The following CAMTA1 variants were observed in gnomAD, a reference collection of about 807,000 sequenced individuals.
CAMTA1 encodes the protein calmodulin binding transcription activator 1.
Under a neutral mutation model 170.9 loss-of-function variants are expected in CAMTA1, and 27 were observed. The observed-to-expected ratio is 0.16, with a 90% CI of 0.12 to 0.22. The LOEUF is 0.22. Among genes scored for constraint, CAMTA1 ranks in the 10% least tolerant of loss-of-function variants. The pLI is 1.00. For missense variants in CAMTA1, 1,619 were observed against 2,217.2 expected, an observed-to-expected ratio of 0.73 and a Z score of 5.42; for synonymous variants, 833 against 891.5, an observed-to-expected ratio of 0.93 and a Z score of 1.17.
intron 11 of CAMTA1, among the ~76,000 whole-genome samples, chr1:7,698,008 C>A (rs1370037011): frequency 6.6e-6 from 1 of 151,672 alleles, no homozygotes; most frequent in Non-Finnish European, 1.5e-5. Flanking sequence ...GATTTTAAGC[C>A]CAGAGTCCCT....
At chr1:7,605,730 G>C (rs796799015) in intron 6 of CAMTA1, among the ~76,000 whole-genome samples, 1 of 152,176 alleles carries the variant, frequency 6.6e-6, no homozygotes, top group Non-Finnish European at 1.5e-5. Flanking sequence ...AGATGAACCC[G>C]GTACCTCAGT....
intron 3 of CAMTA1, among the ~76,000 whole-genome samples, chr1:6,925,010 C>T (rs990498044): frequency 6.6e-6 from 1 of 152,232 alleles, no homozygotes; most frequent in African/African-American, 2.4e-5. Context: ...TGGCCCTTCA[C>T]GGCCGGTGTG....
At chr1:7,595,528 C>G (rs1435302514) in intron 6 of CAMTA1, among the ~76,000 whole-genome samples, 1 of 152,192 alleles carries the variant, frequency 6.6e-6, no homozygotes, top group African/African-American at 2.4e-5. Flanking sequence ...GAGGCTGATT[C>G]TGCTTCAGCA....
At chr1:7,033,119 G>A (rs1347390595) in intron 3 of CAMTA1, among the ~76,000 whole-genome samples, 2 of 152,140 alleles carry the variant, frequency 1.3e-5, no homozygotes, top group Non-Finnish European at 2.9e-5. Flanking sequence ...GGAAAATTTT[G>A]GCTGTTAGTT....
At chr1:7,545,963 T>C (rs1157395782) in intron 6 of CAMTA1, among the ~76,000 whole-genome samples, 14 of 150,568 alleles carry the variant, frequency 9.3e-5, no homozygotes, top group African/African-American at 3.2e-4. Context: ...TTTTCTTTTT[T>C]TTTTTTTTTT....
At chr1:7,074,457 C>T (rs1266027286) in intron 3 of CAMTA1, among the ~76,000 whole-genome samples, 1 of 152,152 alleles carries the variant, frequency 6.6e-6, no homozygotes, top group African/African-American at 2.4e-5. Flanking sequence ...TATCTAAGGC[C>T]TCCTACCCAA....
intron 6 of CAMTA1, among the ~76,000 whole-genome samples, chr1:7,541,304 C>T (rs1036130436): frequency 1.1e-4 from 17 of 152,232 alleles, no homozygotes; most frequent in Admixed American, 9.8e-4. Context: ...GAAAATGATA[C>T]CTCTAGACAG....
At chr1:7,543,037 T>G (rs2094636999) in intron 6 of CAMTA1, among the ~76,000 whole-genome samples, 1 of 152,092 alleles carries the variant, frequency 6.6e-6, no homozygotes, top group Non-Finnish European at 1.5e-5. Context: ...GCTAATTATT[T>G]TTGTATTTAT....
At chr1:7,593,700 A>G (rs1053249060) in intron 6 of CAMTA1, among the ~76,000 whole-genome samples, 1 of 148,646 alleles carries the variant, frequency 6.7e-6, no homozygotes, top group Admixed American at 6.7e-5. Flanking sequence ...CATGTTGGCC[A>G]GGCTAGTCTC....
At chr1:7,096,666 ACT>A (rs1642116970) in intron 4 of CAMTA1, among the ~76,000 whole-genome samples, 1 of 151,904 alleles carries the variant, frequency 6.6e-6, no homozygotes, top group Admixed American at 6.6e-5. Flanking sequence ...AGTGTTTCCG[ACT>A]GTAATTCACA....
rs767745899 is a variant in CAMTA1, at chr1:7,664,264, G to A, written c.1717G>A (p.Gly573Ser). ...TAGSSLLPSG[G>S]GLSPSTTLEQ... ...CGGCTCCAGCCTCCTGCCGTCGGGC[G>A]GCGGCCTGAGTCCCAGCACCACCCT... is the stretch of plus-strand genomic sequence containing the variant. Residue 573 changes from glycine to serine, a missense_variant, in exon 9 of 23, where the codon GGC becomes AGC. Transcript: ENST00000303635. 1.6e-5 allele frequency: 26 copies of A among 1,612,654 alleles called. 1 individual carries two copies. The highest frequency in any genetic ancestry group is 1.2e-4 in the South Asian group (11 of 91,062).
At chr1:7,345,669 T>C (rs2084169326) in intron 5 of CAMTA1, among the ~76,000 whole-genome samples, 1 of 152,108 alleles carries the variant, frequency 6.6e-6, no homozygotes, top group South Asian at 2.1e-4. Context: ...AGAGTTTGAG[T>C]GCTTACACCC....
chr1:6,789,970 C>T (rs987287145), intron 1 of CAMTA1, among the ~76,000 whole-genome samples: 4 of 151,254 alleles, frequency 2.6e-5, no homozygotes, highest in Non-Finnish European at 4.4e-5. Context: ...CCACCATGTC[C>T]GGCTAATTTT....
At chr1:7,696,192 G>A (rs1431244316) in intron 11 of CAMTA1, among the ~76,000 whole-genome samples, 2 of 151,900 alleles carry the variant, frequency 1.3e-5, no homozygotes, top group East Asian at 1.9e-4. Context: ...TTGTTTTGTT[G>A]TTGCTGTTTT....
Position 7,634,636 on chromosome 1 carries a change from G to A in CAMTA1, c.511-5764G>A, listed in dbSNP as rs1350582825. ...AGGCCAGAGCCCCAGGCTGGACGCT[G>A]GTGGAGGAAGGGCCTCTGTACACAG... On this transcript the variant is annotated intron_variant, in intron 6 of 22. Transcript: ENST00000303635. The surrounding 1 kb of genome is among the most constrained non-coding windows in gnomAD (Gnocchi z 6.2). Among the ~76,000 whole-genome samples, 1 of 152,112 alleles carries A rather than the reference G, an allele frequency of 6.6e-6. No homozygotes were observed. Among genetic ancestry groups the A allele is most frequent in the African/African-American group, 2.4e-5 (1 of 41,404 alleles).
intron 6 of CAMTA1, among the ~76,000 whole-genome samples, chr1:7,499,060 CGTGTGTATGTATATGAGTGTGT>C (rs2093909710): frequency 9.9e-6 from 1 of 100,900 alleles, no homozygotes; most frequent in Admixed American, 1.1e-4. Flanking sequence ...GCCTGGTGTG[CGTGTGTATGTATATGAGTGTGT>C]GTGTGCATGT....
chr1:7,261,296 T>G (rs1391292762), intron 5 of CAMTA1, among the ~76,000 whole-genome samples: 1 of 152,138 alleles, frequency 6.6e-6, no homozygotes, highest in Non-Finnish European at 1.5e-5. Context: ...GTCTCCATGG[T>G]TTTGTGTTTC....
At chr1:6,902,711 G>A (rs932486867) in intron 3 of CAMTA1, among the ~76,000 whole-genome samples, 2 of 152,244 alleles carry the variant, frequency 1.3e-5, no homozygotes, top group African/African-American at 4.8e-5. Flanking sequence ...TGGCCAATAA[G>A]CATGTAGAAA....
chr1:7,490,303 C>T (rs2093682974), intron 6 of CAMTA1, among the ~76,000 whole-genome samples: 3 of 152,302 alleles, frequency 2.0e-5, no homozygotes, highest in South Asian at 2.1e-4. Flanking sequence ...CCGCGGGCAT[C>T]GATTGCCCAG....
Sources: gnomAD v4.1 joint callset for allele counts (sites outside exome capture counted in the v4.1 genomes callset) on GRCh38, gnomAD v4.1.1 for gene constraint, Gnocchi (gnomAD v3.1) non-coding constraint, MANE v1.5 for transcripts, NCBI Gene and HGNC (gene_info 2026-07-23, HGNC 2026-07-21) for gene names.